SLC1A1: variants seen among roughly 807,000 people sequenced by gnomAD.
The protein encoded by SLC1A1 is excitatory amino acid transporter 3.
In SLC1A1, 43 loss-of-function variants were observed where a neutral mutation model predicts 53.3. The ratio of observed to expected loss-of-function variants is 0.81; its 90% CI spans 0.63 to 1.04. The LOEUF (loss-of-function observed/expected upper bound fraction) is 1.04. Among genes scored for constraint, SLC1A1 ranks in the 50% least tolerant of loss-of-function variants. The pLI is 0.00. For synonymous variants in SLC1A1, 307 were observed against 243.2 expected (o/e 1.26, Z -2.44); for missense variants, 748 against 664.9 (o/e 1.12, Z -1.37).
intron 10 of SLC1A1, among the ~76,000 whole-genome samples, chr9:4,578,402 C>T (rs1355355040): frequency 6.6e-6 from 1 of 152,128 alleles, no homozygotes. Flanking sequence ...GTAGTGAGTA[C>T]TCAGTGAATG....
At chr9:4,545,306 G>C (rs1268450786) in intron 2 of SLC1A1, among the ~76,000 whole-genome samples, 1 of 151,590 alleles carries the variant, frequency 6.6e-6, no homozygotes, top group African/African-American at 2.4e-5. Context: ...CATATGCTGT[G>C]CCTACAGCTC....
chr9:4,528,234 C>G (rs1022041394), intron 1 of SLC1A1, among the ~76,000 whole-genome samples: 1 of 151,630 alleles, frequency 6.6e-6, no homozygotes, highest in East Asian at 1.9e-4. Context: ...GAAGATACTT[C>G]CTGCATGGAA....
intron 1 of SLC1A1, among the ~76,000 whole-genome samples, chr9:4,538,093 A>G (rs924432318): frequency 6.6e-6 from 1 of 152,220 alleles, no homozygotes; most frequent in Non-Finnish European, 1.5e-5. Flanking sequence ...TGTGTTTAGT[A>G]TATCTGAGAC....
At chr9:4,577,825 G>A (rs1300363030) in intron 10 of SLC1A1, among the ~76,000 whole-genome samples, 1 of 152,172 alleles carries the variant, frequency 6.6e-6, no homozygotes, top group South Asian at 2.1e-4. Flanking sequence ...TATTGGATGG[G>A]AGCAGGGACC....
chr9:4,537,099 C>G (rs577194690), intron 1 of SLC1A1, among the ~76,000 whole-genome samples: 4 of 151,682 alleles, frequency 2.6e-5, no homozygotes, highest in Non-Finnish European at 1.5e-5. Context: ...TGTTAAATGA[C>G]GAGTTGATGG....
At chr9:4,548,401 G>C (rs996147057) in intron 2 of SLC1A1, among the ~76,000 whole-genome samples, 1 of 152,140 alleles carries the variant, frequency 6.6e-6, no homozygotes, top group African/African-American at 2.4e-5. Flanking sequence ...GGTTGAATGA[G>C]TCCCCTAAGG....
intron 1 of SLC1A1, among the ~76,000 whole-genome samples, chr9:4,513,827 C>G (rs937375728): frequency 1.3e-5 from 2 of 152,178 alleles, no homozygotes; most frequent in Non-Finnish European, 2.9e-5. Flanking sequence ...AAATAAACTA[C>G]TGTCTATCCA....
chr9:4,491,889 T>C (rs1820247617), intron 1 of SLC1A1, among the ~76,000 whole-genome samples: 1 of 152,176 alleles, frequency 6.6e-6, no homozygotes, highest in South Asian at 2.1e-4. Context: ...TCTCAGAATA[T>C]ATGGTGTTGC....
intron 1 of SLC1A1, among the ~76,000 whole-genome samples, chr9:4,535,096 A>G (rs1236438867): frequency 6.6e-6 from 1 of 152,198 alleles, no homozygotes; most frequent in Non-Finnish European, 1.5e-5. Flanking sequence ...CCCACAGCCA[A>G]TATCATACTG....
At chr9:4,550,666 C>T (rs1817851762) in intron 2 of SLC1A1, among the ~76,000 whole-genome samples, 1 of 152,186 alleles carries the variant, frequency 6.6e-6, no homozygotes, top group African/African-American at 2.4e-5. Flanking sequence ...GCTGTGATTA[C>T]AGGAATGAGC....
rs566316787 is a variant in SLC1A1, at chr9:4,501,539, C to T, written c.91+10769C>T. Among the ~76,000 whole-genome samples, 54 of 151,676 alleles carry T rather than the reference C, an allele frequency of 3.6e-4. No homozygotes were observed. In the South Asian group the frequency reaches 0.011, roughly 31 times the overall value. On this transcript the variant is annotated intron_variant, in intron 1 of 11. Transcript: ENST00000262352. ...CAGAACTTTGGGAGGCCGAGGTGGG[C>T]AGATCACCTGAGGTCAGGAGTTCAA...
chr9:4,499,769 GGT>G (rs1275262926), intron 1 of SLC1A1, among the ~76,000 whole-genome samples: 1 of 152,144 alleles, frequency 6.6e-6, no homozygotes, highest in Non-Finnish European at 1.5e-5. Context: ...TTTAAGATAC[GGT>G]GTTTTATTTA....
chr9:4,559,884 T>C (rs149866710), intron 2 of SLC1A1: 4 of 152,282 alleles, frequency 2.6e-5, no homozygotes, highest in East Asian at 3.9e-4. Flanking sequence ...CCAAGTCCAA[T>C]TGGAGAACGG....
chr9:4,498,039 G>C (rs1201808016), intron 1 of SLC1A1, among the ~76,000 whole-genome samples: 2 of 152,206 alleles, frequency 1.3e-5, no homozygotes, highest in African/African-American at 2.4e-5. Flanking sequence ...GGAACTAGTG[G>C]TATGCGTGCT....
Position 4,545,623 on chromosome 9 carries a change from T to C in SLC1A1, c.232+916T>C, listed in dbSNP as rs574652970. 2.6e-5 allele frequency among the ~76,000 whole-genome samples: 4 copies of C among 152,354 alleles called. No individual in the cohort carries two copies. The East Asian group carries it at 5.8e-4, about 22-fold the overall frequency. The stretch of plus-strand genomic sequence containing the variant: ...GCCAGAACTTGCTATGTGTCTGCCC[T>C]GCATATTTGCTGTGGGGACCAGCAG... On this transcript the variant is annotated intron_variant, in intron 2 of 11. Coordinates refer to ENST00000262352, the MANE Select transcript of SLC1A1 (RefSeq NM_004170.6).
chr9:4,504,132 C>T (rs1328708849), intron 1 of SLC1A1, among the ~76,000 whole-genome samples: 1 of 151,644 alleles, frequency 6.6e-6, no homozygotes, highest in Non-Finnish European at 1.5e-5. Flanking sequence ...AAGAAACCAG[C>T]ACCAGAACCC....
At chr9:4,557,992 T>A (rs1818581374) in intron 2 of SLC1A1, among the ~76,000 whole-genome samples, 5 of 152,220 alleles carry the variant, frequency 3.3e-5, no homozygotes, top group Admixed American at 3.3e-4. Context: ...TGGGTTGTAA[T>A]GAGAATTAAA....
At chr9:4,577,197 C>A (rs1820633506) in intron 10 of SLC1A1, among the ~76,000 whole-genome samples, 1 of 152,144 alleles carries the variant, frequency 6.6e-6, no homozygotes, top group Admixed American at 6.5e-5. Context: ...GATGGCTTCC[C>A]AGAGGAGGGG....
At chr9:4,562,611 T>C (rs1471405916) in intron 3 of SLC1A1, among the ~76,000 whole-genome samples, 2 of 152,178 alleles carry the variant, frequency 1.3e-5, no homozygotes, top group Non-Finnish European at 2.9e-5. Flanking sequence ...TTTGTAACCC[T>C]GAGTGACATT....
Sources: gnomAD v4.1 joint callset for allele counts (sites outside exome capture counted in the v4.1 genomes callset) on GRCh38, gnomAD v4.1.1 for gene constraint, MANE v1.5 for transcripts, NCBI Gene and HGNC (gene_info 2026-07-23, HGNC 2026-07-21) for gene names.